CFAP299: variants seen among roughly 807,000 people sequenced by gnomAD.
CFAP299 encodes the protein cilia and flagella associated protein 299.
In CFAP299, 21 loss-of-function variants were observed where a neutral mutation model predicts 27.0. The ratio of observed to expected loss-of-function variants is 0.78; its 90% CI spans 0.55 to 1.12. CFAP299 has a LOEUF of 1.12. Ranked by LOEUF, CFAP299 falls within the 50% of genes most tolerant of loss-of-function variation. The pLI is 0.00. For missense variants in CFAP299, 310 were observed against 276.6 expected (o/e 1.12, Z -0.86); for synonymous variants, 104 against 98.1 (o/e 1.06, Z -0.36).
intron 1 of CFAP299, among the ~76,000 whole-genome samples, chr4:80,346,955 G>T (rs984438650): frequency 2.0e-5 from 3 of 152,150 alleles, no homozygotes; most frequent in African/African-American, 7.2e-5. Flanking sequence ...TTGTTGAGCA[G>T]TGGTTTGTAG....
intron 3 of CFAP299, among the ~76,000 whole-genome samples, chr4:80,664,496 A>T (rs1315454320): frequency 6.6e-6 from 1 of 152,152 alleles, no homozygotes; most frequent in African/African-American, 2.4e-5. Flanking sequence ...GGTTCCACCC[A>T]GTTCGAACTT....
intron 2 of CFAP299, among the ~76,000 whole-genome samples, chr4:80,578,863 T>C (rs1388239008): frequency 6.6e-6 from 1 of 152,190 alleles, no homozygotes; most frequent in Admixed American, 6.5e-5. Flanking sequence ...CTTAGAAAAT[T>C]CATTTTAGTT....
At chr4:80,373,650 A>C (rs1198277562) in intron 2 of CFAP299, among the ~76,000 whole-genome samples, 1 of 152,168 alleles carries the variant, frequency 6.6e-6, no homozygotes, top group Admixed American at 6.5e-5. Context: ...AACTTTCTGC[A>C]GTGCCCTTGG....
intron 2 of CFAP299, among the ~76,000 whole-genome samples, chr4:80,393,067 G>A (rs1013442476): frequency 1.3e-5 from 2 of 152,090 alleles, no homozygotes; most frequent in African/African-American, 4.8e-5. Flanking sequence ...TGATGATCCT[G>A]ACCCTGTGTA....
chr4:80,684,849 T>C (rs1160229652), intron 3 of CFAP299, among the ~76,000 whole-genome samples: 1 of 152,138 alleles, frequency 6.6e-6, no homozygotes, highest in East Asian at 1.9e-4. Flanking sequence ...TTATACAGTC[T>C]CAAAATGATG....
At chr4:80,573,297 T>G (rs1735687173) in intron 2 of CFAP299, among the ~76,000 whole-genome samples, 1 of 152,166 alleles carries the variant, frequency 6.6e-6, no homozygotes, top group Admixed American at 6.6e-5. Flanking sequence ...TTCAAATCTT[T>G]GGCCTATTTT....
chr4:80,508,399 T>A lies in CFAP299; in HGVS notation c.243-74694T>A, dbSNP rs185172572. 2.5e-3 allele frequency among the ~76,000 whole-genome samples: 385 copies of A among 152,254 alleles called. 1 individual carries two copies. The highest frequency in any genetic ancestry group is 8.8e-3 in the African/African-American group (366 of 41,568). ...ATGGATTGCTCCCATATAAATAATT[T>A]TTGTGTTTTGGTATGTTTTCTCTCC... On this transcript the variant is annotated intron_variant, in intron 2 of 5. Coordinates refer to ENST00000358105, the MANE Select transcript of CFAP299 (RefSeq NM_152770.3).
At chr4:80,880,763 T>A (rs144704942) in intron 4 of CFAP299, among the ~76,000 whole-genome samples, 5,331 of 151,710 alleles carry the variant, frequency 0.035, 218 homozygotes, top group African/African-American at 0.1. Flanking sequence ...AAAATTAAAT[T>A]AAATTAAAAT....
intron 3 of CFAP299, among the ~76,000 whole-genome samples, chr4:80,640,658 A>G (rs1009332168): frequency 6.6e-6 from 1 of 152,170 alleles, no homozygotes; most frequent in Non-Finnish European, 1.5e-5. Context: ...TCCAGAAGTG[A>G]CACTAGGTAT....
intron 3 of CFAP299, among the ~76,000 whole-genome samples, chr4:80,588,397 GA>G (rs111466627): frequency 0.015 from 2,262 of 148,812 alleles, 163 homozygotes; most frequent in African/African-American, 0.05. Context: ...CCATTTTAGG[GA>G]AAAAAAAAGT....
At chr4:80,588,884 A>G (rs911366002) in intron 3 of CFAP299, among the ~76,000 whole-genome samples, 12 of 152,206 alleles carry the variant, frequency 7.9e-5, no homozygotes, top group Admixed American at 4.6e-4. Context: ...CATTATTTTT[A>G]TATCCACTTT....
intron 3 of CFAP299, among the ~76,000 whole-genome samples, chr4:80,801,494 G>T (rs942928578): frequency 2.0e-5 from 3 of 152,022 alleles, no homozygotes; most frequent in Non-Finnish European, 2.9e-5. Flanking sequence ...ATTGTTGATT[G>T]CTGATAAGCT....
chr4:80,602,193 C>A (rs1215993073), intron 3 of CFAP299, among the ~76,000 whole-genome samples: 1 of 151,792 alleles, frequency 6.6e-6, no homozygotes, highest in African/African-American at 2.4e-5. Flanking sequence ...TAAACCTGGA[C>A]ATCCACCCCT....
At chr4:80,358,942 T>C (rs533695842) in intron 1 of CFAP299, among the ~76,000 whole-genome samples, 1 of 152,320 alleles carries the variant, frequency 6.6e-6, no homozygotes, top group South Asian at 2.1e-4. Context: ...AGTGTGTTTT[T>C]GTAGTGGCTG....
At chr4:80,671,421 G>A (rs978583520) in intron 3 of CFAP299, among the ~76,000 whole-genome samples, 8 of 152,254 alleles carry the variant, frequency 5.3e-5, no homozygotes, top group Admixed American at 3.9e-4. Flanking sequence ...TTGAAGTCAG[G>A]TAGTGTGATG....
chr4:80,909,472 T>A lies in CFAP299; in HGVS notation c.477-35338T>A, dbSNP rs891981302. Among the ~76,000 whole-genome samples the A allele has an allele frequency of 3.9e-5, 6 of 152,160 alleles. No individual in the cohort carries two copies. The South Asian group carries it at 1.2e-3, about 32-fold the overall frequency. On this transcript the variant is annotated intron_variant, in intron 4 of 5. Transcript: ENST00000358105. ...TATAAAAATACATATTAATAACATA[T>A]AATTTGAGTCCCAATTTTTAAACTA...
chr4:80,774,040 T>C (rs1578110906), intron 3 of CFAP299, among the ~76,000 whole-genome samples: 1 of 152,096 alleles, frequency 6.6e-6, no homozygotes, highest in African/African-American at 2.4e-5. Flanking sequence ...AAAATTTTAG[T>C]TTATGTTCGG....
At chr4:80,896,239 A>T (rs1043709850) in intron 4 of CFAP299, among the ~76,000 whole-genome samples, 1 of 152,152 alleles carries the variant, frequency 6.6e-6, no homozygotes, top group African/African-American at 2.4e-5. Context: ...ATAATATTTT[A>T]AAAATACCAA....
At chr4:80,857,117 C>G (rs1731957621) in intron 3 of CFAP299, among the ~76,000 whole-genome samples, 1 of 152,178 alleles carries the variant, frequency 6.6e-6, no homozygotes, top group South Asian at 2.1e-4. Context: ...AGATGTCCTT[C>G]ACATCCCTTG....
Sources: allele counts gnomAD v4.1 joint callset (sites outside exome capture counted in the v4.1 genomes callset), GRCh38; gene constraint gnomAD v4.1.1; transcripts MANE v1.5; gene names NCBI Gene and HGNC (gene_info 2026-07-23, HGNC 2026-07-21).